The following ELMO1 variants were observed in gnomAD, a reference collection of about 807,000 sequenced individuals.
The protein encoded by ELMO1 is engulfment and cell motility protein 1.
ELMO1 carries 26 observed loss-of-function variants against 98.9 expected under a neutral mutation model. The observed-to-expected ratio is 0.26, with a 90% CI of 0.19 to 0.36. The LOEUF (loss-of-function observed/expected upper bound fraction) is 0.36, where lower values mean the gene tolerates loss of function less well. Among genes scored for constraint, ELMO1 ranks in the 10% least tolerant of loss-of-function variants. ELMO1 has a pLI of 1.00. For synonymous variants in ELMO1, 346 were observed against 346.0 expected (o/e 1.00, Z 0.00); for missense variants, 627 against 935.2 (o/e 0.67, Z 4.30).
chr7:37,442,749 A>T (rs1388114848), intron 1 of ELMO1, among the ~76,000 whole-genome samples: 1 of 152,150 alleles, frequency 6.6e-6, no homozygotes, highest in Non-Finnish European at 1.5e-5. Flanking sequence ...ATACCATGGC[A>T]ACCCAGGGCA....
intron 1 of ELMO1, among the ~76,000 whole-genome samples, chr7:37,436,720 C>T (rs1008819070): frequency 6.6e-6 from 1 of 152,154 alleles, no homozygotes; most frequent in Non-Finnish European, 1.5e-5. Context: ...CCAAACAAAC[C>T]GGCCACATCC....
At chr7:37,042,936 C>T (rs1304382136) in intron 15 of ELMO1, among the ~76,000 whole-genome samples, 1 of 152,228 alleles carries the variant, frequency 6.6e-6, no homozygotes, top group Non-Finnish European at 1.5e-5. Context: ...TTCTTCTTTG[C>T]ATGTATGTTT....
At chr7:36,999,602 T>G (rs888298893) in intron 16 of ELMO1, among the ~76,000 whole-genome samples, 2 of 152,230 alleles carry the variant, frequency 1.3e-5, no homozygotes, top group African/African-American at 4.8e-5. Context: ...AAATAGGTAC[T>G]GTGAATAATA....
At chr7:37,119,147 C>T (rs778268803) in intron 14 of ELMO1, among the ~76,000 whole-genome samples, 5 of 152,140 alleles carry the variant, frequency 3.3e-5, no homozygotes, top group Non-Finnish European at 7.3e-5. Flanking sequence ...TAGTGAGCTC[C>T]AAACATGTGA....
At chr7:37,094,844 G>A (rs1784291122) in intron 15 of ELMO1, among the ~76,000 whole-genome samples, 1 of 152,202 alleles carries the variant, frequency 6.6e-6, no homozygotes, top group African/African-American at 2.4e-5. Context: ...CGGTTTGTGA[G>A]TAATTCACTC....
chr7:37,368,242 AC>A (rs1456534460), intron 1 of ELMO1, among the ~76,000 whole-genome samples: 1 of 152,238 alleles, frequency 6.6e-6, no homozygotes, highest in African/African-American at 2.4e-5. Flanking sequence ...TCTATCAGAA[AC>A]TATTAGGATT....
chr7:37,375,934 A>G, intron 1 of ELMO1: 1 of 637,636 alleles, frequency 1.6e-6, no homozygotes, highest in Non-Finnish European at 2.9e-6. Context: ...TCCTGGTGCC[A>G]ACAAGAAAGT....
At chr7:37,222,570 T>G (rs758727174) in intron 10 of ELMO1, 45 bp downstream of exon 10, 2 of 1,586,740 alleles carry the variant, frequency 1.3e-6, no homozygotes, top group Non-Finnish European at 1.7e-6. Flanking sequence ...GCACACAAAG[T>G]TCCTAGCCTT....
In ELMO1 at chr7:37,160,826, G is replaced by GT. The variant is rs569614739; in HGVS notation, c.1087-27593dup. ...CTTCAGGCCTGATGGTCTTCATCAGGTAAGAGGCTGGCTACTTGCAACAGG... is the reference window on the plus strand; with the variant it reads ...CTTCAGGCCTGATGGTCTTCATCAGGTTAAGAGGCTGGCTACTTGCAACAGG... On this transcript the variant is annotated intron_variant, in intron 13 of 21. Transcript: ENST00000310758. Among the ~76,000 whole-genome samples the GT allele has an allele frequency of 1.2e-3, 186 of 152,244 alleles. 1 individual carries two copies. The highest frequency in any genetic ancestry group is 2.2e-3 in the Admixed American group (34 of 15,296).
intron 16 of ELMO1, among the ~76,000 whole-genome samples, chr7:36,973,891 C>T (rs560194380): frequency 6.6e-6 from 1 of 152,362 alleles, no homozygotes; most frequent in East Asian, 1.9e-4. Context: ...GGGCCAGCGG[C>T]TGCAGAGGGT....
intron 16 of ELMO1, among the ~76,000 whole-genome samples, chr7:36,974,019 C>T (rs1157676288): frequency 6.6e-6 from 1 of 152,224 alleles, no homozygotes; most frequent in African/African-American, 2.4e-5. Flanking sequence ...CCTGAGCCTC[C>T]CCCCCACTCC....
chr7:37,151,827 T>C (rs984805557), intron 13 of ELMO1, among the ~76,000 whole-genome samples: 1 of 152,162 alleles, frequency 6.6e-6, no homozygotes, highest in African/African-American at 2.4e-5. Flanking sequence ...AGCTAACAAA[T>C]ACCGAGGAGA....
rs1230066503 is a variant in ELMO1 at position 36,908,146 on chromosome 7, C to A, written c.1438-13129G>T. On this transcript the variant is annotated intron_variant, in intron 16 of 21. Coordinates refer to ENST00000310758, the MANE Select transcript of ELMO1 (RefSeq NM_014800.11). Reference sequence around the variant, plus strand: ...TGGCTGCTGAAGTCAATACTAACACCTCTGACAATGATGTGCTGGTTGTTG... The same window carrying A: ...TGGCTGCTGAAGTCAATACTAACACATCTGACAATGATGTGCTGGTTGTTG... Among the ~76,000 whole-genome samples the A allele has an allele frequency of 5.3e-5, 8 of 152,200 alleles. 1 individual carries two copies. Among genetic ancestry groups the A allele is most frequent in the African/African-American group, 1.9e-4 (8 of 41,428 alleles).
At chr7:37,103,148 A>C (rs17170882) in intron 14 of ELMO1, among the ~76,000 whole-genome samples, 8,987 of 152,274 alleles carry the variant, frequency 0.059, 284 homozygotes, top group Middle Eastern at 0.12. Flanking sequence ...GACAACTGAT[A>C]CTACTATCAC....
At chr7:37,068,391 A>G (rs961298708) in intron 15 of ELMO1, among the ~76,000 whole-genome samples, 4 of 152,220 alleles carry the variant, frequency 2.6e-5, no homozygotes, top group Non-Finnish European at 4.4e-5. Context: ...TGTGACCATT[A>G]AGATGTGATG....
At chr7:37,157,750 A>G (rs1411765935) in intron 13 of ELMO1, among the ~76,000 whole-genome samples, 6 of 152,144 alleles carry the variant, frequency 3.9e-5, no homozygotes, top group African/African-American at 7.2e-5. Context: ...TATAGATTCA[A>G]TGCCATCCCC....
At chr7:37,159,093 G>A (rs983184895) in intron 13 of ELMO1, among the ~76,000 whole-genome samples, 3 of 152,182 alleles carry the variant, frequency 2.0e-5, no homozygotes, top group Non-Finnish European at 4.4e-5. Flanking sequence ...GCATAAGTGG[G>A]AGTTGAACAA....
intron 4 of ELMO1, among the ~76,000 whole-genome samples, chr7:37,293,989 T>C (rs1019569201): frequency 6.6e-6 from 1 of 152,116 alleles, no homozygotes; most frequent in Non-Finnish European, 1.5e-5. Context: ...TATCAGTTGT[T>C]ACTGCCCTTT....
chr7:37,256,551 A>AAAGG (rs71873823), intron 6 of ELMO1, among the ~76,000 whole-genome samples: 76 of 115,130 alleles, frequency 6.6e-4, no homozygotes, highest in Admixed American at 3.0e-3. Context: ...AAGAAGGAAG[A>AAAGG]AAGGAAGGAA....
Sources: gnomAD v4.1 joint callset for allele counts (sites outside exome capture counted in the v4.1 genomes callset) on GRCh38, gnomAD v4.1.1 for gene constraint, MANE v1.5 for transcripts, NCBI Gene and HGNC (gene_info 2026-07-23, HGNC 2026-07-21) for gene names.